EFCAB7: variants seen among roughly 807,000 people sequenced by gnomAD.
EFCAB7 encodes EF-hand calcium-binding domain-containing protein 7.
In EFCAB7, 66 loss-of-function variants were observed where a neutral mutation model predicts 77.1. The ratio of observed to expected loss-of-function variants is 0.86; its 90% CI spans 0.70 to 1.05. EFCAB7 has a LOEUF of 1.05. EFCAB7 is among the 50% of genes least tolerant of loss of function. The pLI, the probability that EFCAB7 is intolerant of heterozygous loss-of-function variation, is 0.00. For synonymous variants in EFCAB7, 225 were observed against 243.3 expected (o/e 0.92, Z 0.70); for missense variants, 638 against 730.5 (o/e 0.87, Z 1.46).
In EFCAB7 at chr1:63,533,535, C is replaced by G; in HGVS notation, c.568C>G (p.Arg190Gly). Residue 190 changes from arginine to glycine, a missense_variant, in exon 5 of 14, where the codon CGT becomes GGT. Transcript: ENST00000371088. ...ACTAGAGGTTGACAGTAAATTGATG[C>G]GTCACCAGTTTGGAAACCACATCGA... ...EKLEVDSKLM[R>G]HQFGNHIEGS... 1.2e-6 allele frequency: 2 copies of G among 1,612,922 alleles called. No homozygotes were observed. The highest frequency in any genetic ancestry group is 1.7e-4 in the Middle Eastern group (1 of 6,060).
chr1:63,540,618 A>G (rs2100886146), intron 6 of EFCAB7, among the ~76,000 whole-genome samples: 1 of 152,222 alleles, frequency 6.6e-6, no homozygotes, highest in East Asian at 1.9e-4. Context: ...GACTTAATTC[A>G]TATCTACCCC....
At chr1:63,524,432 C>T (rs2100853671) in intron 1 of EFCAB7, among the ~76,000 whole-genome samples, 1 of 152,294 alleles carries the variant, frequency 6.6e-6, no homozygotes, top group African/African-American at 2.4e-5. Flanking sequence ...TAGGGTACTT[C>T]ATCCATGATA....
At chr1:63,577,312 T>C (rs914718135), downstream of EFCAB7, among the ~76,000 whole-genome samples, 1 of 152,240 alleles carries the variant, frequency 6.6e-6, no homozygotes. Flanking sequence ...CAACATTTAA[T>C]ACATATTCTT....
At chr1:63,572,934 A>C (rs1298070867), downstream of EFCAB7, among the ~76,000 whole-genome samples, 1 of 152,092 alleles carries the variant, frequency 6.6e-6, no homozygotes, top group African/African-American at 2.4e-5. Context: ...CTTTTGAGCC[A>C]GGAGAAGGAA....
the EFCAB7 span, among the ~76,000 whole-genome samples, chr1:63,584,257 G>A: frequency 6.6e-6 from 1 of 152,170 alleles, no homozygotes; most frequent in Non-Finnish European, 1.5e-5. Flanking sequence ...AAAAAAGTCA[G>A]ACAAAAATTA....
intron 2 of EFCAB7, among the ~76,000 whole-genome samples, chr1:63,527,556 T>A (rs1646616672): frequency 6.6e-6 from 1 of 152,136 alleles, no homozygotes; most frequent in African/African-American, 2.4e-5. Context: ...AACTTTAAAG[T>A]AAACCCTGGC....
At position 63,545,804 on chromosome 1, in the gene EFCAB7, AATGATTATATTT is replaced by A. The variant is rs1209882417; in HGVS notation, c.805-111_805-100del. 1.4e-4 allele frequency: 123 copies of A among 880,596 alleles called. 1 individual carries two copies. In the South Asian group the frequency reaches 1.8e-3, roughly 13 times the overall value. 54.5% of individuals were successfully genotyped at this position (880,596 alleles called of 1,614,324 possible). On this transcript the variant is annotated intron_variant, in intron 6 of 13. Coordinates refer to ENST00000371088, the MANE Select transcript of EFCAB7 (RefSeq NM_032437.4). Reference sequence around the variant, plus strand: ...ACTATGTTGCACATTCCTGGAGAGCAATGATTATATTTGACATTTCTTTTATATCCCCCTGTG... The same window carrying A: ...ACTATGTTGCACATTCCTGGAGAGCAGACATTTCTTTTATATCCCCCTGTG...
chr1:63,525,656 A>G lies in EFCAB7; in HGVS notation c.84A>G (p.Pro28=). 6.2e-7 allele frequency: 1 copy of G among 1,602,190 alleles called. No individual in the cohort carries two copies. The part of the protein sequence containing the change: ...PSESPRTKKF[P]LTEEEIFYMN... Reference sequence around the variant, plus strand: ...AGAGTCCTCGAACAAAGAAATTTCCACTAACTGAAGAGGAAATATTTTATA... The same window carrying G: ...AGAGTCCTCGAACAAAGAAATTTCCGCTAACTGAAGAGGAAATATTTTATA... Residue 28 remains proline (P), a synonymous_variant, in exon 2 of 14, where the codon CCA becomes CCG. Transcript: ENST00000371088.
At chr1:63,538,326 G>A (rs1646787054) in intron 6 of EFCAB7, among the ~76,000 whole-genome samples, 1 of 151,860 alleles carries the variant, frequency 6.6e-6, no homozygotes, top group African/African-American at 2.4e-5. Context: ...CTTTCAAACT[G>A]ATTTATTTGA....
Position 63,572,463 on chromosome 1 carries a change from T to C in EFCAB7, c.1837T>C (p.Leu613=), listed in dbSNP as rs753295165. 14 of 1,583,082 alleles carry C rather than the reference T, an allele frequency of 8.8e-6. No homozygotes were observed. Among genetic ancestry groups the C allele is most frequent in the Non-Finnish European group, 8.6e-7 (1 of 1,166,634 alleles). Residue 613 remains leucine, a synonymous_variant, in exon 14 of 14, where the codon TTG becomes CTG. Coordinates refer to ENST00000371088, the MANE Select transcript of EFCAB7 (RefSeq NM_032437.4). ...STMVCQHVMP[L]NERQEWIYYC... is the part of the protein sequence containing the mutation. ...GCAGGTTTGTCAACATGTAATGCCT[T>C]TGAATGAACGACAAGAATGGATATA...
At chr1:63,575,872 A>C (rs2100935932), downstream of EFCAB7, among the ~76,000 whole-genome samples, 1 of 152,160 alleles carries the variant, frequency 6.6e-6, no homozygotes, top group South Asian at 2.1e-4. Context: ...CAGGCATGAG[A>C]CACTGCCCCC....
At position 63,533,739 on chromosome 1, in the gene EFCAB7, TAAAAC is replaced by T. The variant is rs1646729728; in HGVS notation, c.682+94_682+98del. 33 of 980,002 alleles carry T rather than the reference TAAAAC, an allele frequency of 3.4e-5. No individual in the cohort carries two copies. In the South Asian group the frequency reaches 5.7e-4, roughly 17 times the overall value. The allele number at this position is 980,002 out of a possible 1,614,324, so 60.7% of individuals were successfully genotyped here. Reference sequence around the variant, plus strand: ...TCCTTCCATTTCAGCTTATCAGTGATAAAACAAATGAGAATCTAACTTTTGTTAGC... The same window carrying T: ...TCCTTCCATTTCAGCTTATCAGTGATAAATGAGAATCTAACTTTTGTTAGC... On this transcript the variant is annotated intron_variant, in intron 5 of 13. Coordinates refer to ENST00000371088, the MANE Select transcript of EFCAB7 (RefSeq NM_032437.4).
In EFCAB7 at chr1:63,551,786, T is replaced by C. The variant is rs2100905058; in HGVS notation, c.1008T>C (p.Ser336=). The C allele has an allele frequency of 6.3e-7, 1 of 1,594,920 alleles. No homozygotes were observed. The highest frequency in any genetic ancestry group is 8.5e-7 in the Non-Finnish European group (1 of 1,170,558). Residue 336 remains serine, a synonymous_variant, in exon 8 of 14, where the codon AGT becomes AGC. Transcript: ENST00000371088. ...TGTATATTCTCAAGGAAAATGAGAG[T>C]CAAGCAAATCTACAGCTTGTGTGTT... ...TALYILKENE[S]QANLQLVCFT...
chr1:63,584,013 A>G, the EFCAB7 span, among the ~76,000 whole-genome samples: 1 of 151,840 alleles, frequency 6.6e-6, no homozygotes, highest in Admixed American at 6.6e-5. Context: ...AAGACACCAC[A>G]CCAGAGGAGT....
At chr1:63,557,033 G>C in intron 9 of EFCAB7, 81 bp from the exon 10 acceptor site, 2 of 1,094,148 alleles carry the variant, frequency 1.8e-6, no homozygotes, top group Non-Finnish European at 2.5e-6. Flanking sequence ...GTGAGACTCC[G>C]TCTCAAAAAA....
chr1:63,551,668 A>G (rs1447067141), intron 7 of EFCAB7, 57 bp from the exon 8 acceptor site: 2 of 739,394 alleles, frequency 2.7e-6, no homozygotes, highest in Non-Finnish European at 4.1e-6. Context: ...TTATATAGGA[A>G]AGAATAGATA....
At chr1:63,565,353 C>T (rs1237334345) in intron 11 of EFCAB7, among the ~76,000 whole-genome samples, 3 of 146,126 alleles carry the variant, frequency 2.1e-5, no homozygotes, top group African/African-American at 7.5e-5. Context: ...TGCGAGACTC[C>T]GTCTCAAAAA....
intron 8 of EFCAB7, among the ~76,000 whole-genome samples, chr1:63,554,474 G>A (rs2100908926): frequency 1.3e-5 from 2 of 152,180 alleles, no homozygotes; most frequent in East Asian, 3.9e-4. Flanking sequence ...CAAGTAGCTG[G>A]GATTATAGGC....
intron 6 of EFCAB7, among the ~76,000 whole-genome samples, chr1:63,537,101 A>G (rs1646772315): frequency 6.6e-6 from 1 of 152,240 alleles, no homozygotes; most frequent in African/African-American, 2.4e-5. Context: ...TACAGGTACT[A>G]TACGCATATT....
Sources: allele counts gnomAD v4.1 joint callset (sites outside exome capture counted in the v4.1 genomes callset), GRCh38; gene constraint gnomAD v4.1.1; transcripts MANE v1.5; gene names NCBI Gene and HGNC (gene_info 2026-07-23, HGNC 2026-07-21).